The following MBNL2 variants were observed in gnomAD, a reference collection of about 807,000 sequenced individuals.
MBNL2 encodes the protein muscleblind-like protein 2.
In MBNL2, 17 loss-of-function variants were observed where a neutral mutation model predicts 41.9. The observed-to-expected ratio is 0.41, with a 90% CI of 0.28 to 0.61. The LOEUF is 0.61. Among genes scored for constraint, MBNL2 ranks in the 20% least tolerant of loss-of-function variants. MBNL2 has a pLI of 0.35. For missense variants in MBNL2, 336 were observed against 505.6 expected (o/e 0.66, Z 3.22); for synonymous variants, 195 against 182.9 (o/e 1.07, Z -0.53).
At position 97,222,549 on chromosome 13, in the gene MBNL2, C is replaced by G. The variant is rs929525755; in HGVS notation, c.-605+18C>G. The G allele has an allele frequency of 1.8e-5, 7 of 398,088 alleles. No individual in the cohort carries two copies. Among genetic ancestry groups the G allele is most frequent in the Non-Finnish European group, 3.1e-5 (7 of 225,882 alleles). 24.7% of individuals were successfully genotyped at this position (398,088 alleles called of 1,614,324 possible). ...TAAACAAGGTAGGAGAATCGCCCCCCTTTTTTGAATGTTTAAAGAGTTTGC... is the reference window on the plus strand; with the variant it reads ...TAAACAAGGTAGGAGAATCGCCCCCGTTTTTTGAATGTTTAAAGAGTTTGC... On this transcript the variant is annotated intron_variant, in intron 1 of 8. Coordinates refer to ENST00000679496, the MANE Select transcript of MBNL2 (RefSeq NM_001382683.1).
intron 2 of MBNL2, among the ~76,000 whole-genome samples, chr13:97,312,451 T>C (rs1367682281): frequency 1.3e-5 from 2 of 152,184 alleles, no homozygotes; most frequent in Non-Finnish European, 2.9e-5. Flanking sequence ...CATCCTCTTT[T>C]ACTGGAGGTA....
At chr13:97,224,521 A>G (rs2041296880) in intron 1 of MBNL2, among the ~76,000 whole-genome samples, 1 of 150,312 alleles carries the variant, frequency 6.7e-6, no homozygotes, top group Non-Finnish European at 1.5e-5. Context: ...CTACTCACGT[A>G]GTTTTGAGCA....
At chr13:97,237,975 G>C (rs2043597807) in intron 1 of MBNL2, among the ~76,000 whole-genome samples, 1 of 152,160 alleles carries the variant, frequency 6.6e-6, no homozygotes, top group Non-Finnish European at 1.5e-5. Flanking sequence ...GGATTGACTG[G>C]GGCCAAGGGA....
At chr13:97,179,208 T>C in the MBNL2 span, 14,529 of 152,228 alleles carry the variant, frequency 0.095, 763 homozygotes, top group South Asian at 0.17. Flanking sequence ...TCACTGCCTC[T>C]ACTTCTCACT....
intron 4 of MBNL2, 74 bp downstream of exon 4, chr13:97,343,290 A>C (rs953752426): frequency 3.7e-5 from 42 of 1,136,794 alleles, no homozygotes; most frequent in Non-Finnish European, 5.3e-5. Flanking sequence ...ATTGCTTGTA[A>C]GATATTAATT....
At chr13:97,264,763 G>A (rs1566375764) in intron 1 of MBNL2, among the ~76,000 whole-genome samples, 1 of 152,228 alleles carries the variant, frequency 6.6e-6, no homozygotes, top group African/African-American at 2.4e-5. Flanking sequence ...TGGAGAGAGA[G>A]AAAAAGACAA....
the MBNL2 span, among the ~76,000 whole-genome samples, chr13:97,154,112 G>GT: frequency 1.3e-5 from 2 of 152,130 alleles, no homozygotes; most frequent in Non-Finnish European, 2.9e-5. Context: ...TGTCTAACAT[G>GT]TCTAGAAGTT....
chr13:97,168,066 C>T, the MBNL2 span, among the ~76,000 whole-genome samples: 6 of 152,158 alleles, frequency 3.9e-5, no homozygotes, highest in South Asian at 2.1e-4. Context: ...CCCAGTTTCA[C>T]GTGATTCTCC....
At chr13:97,385,565 C>G (rs1283963940) in intron 8 of MBNL2, among the ~76,000 whole-genome samples, 1 of 152,172 alleles carries the variant, frequency 6.6e-6, no homozygotes, top group Non-Finnish European at 1.5e-5. Context: ...AGGAACAGTT[C>G]TTACCAAATT....
At chr13:97,318,773 G>A (rs1015906803) in intron 2 of MBNL2, among the ~76,000 whole-genome samples, 2 of 152,146 alleles carry the variant, frequency 1.3e-5, no homozygotes, top group African/African-American at 2.4e-5. Context: ...AGAGAAAGAG[G>A]AAGTAATGTC....
chr13:97,343,955 C>T (rs980244543), intron 4 of MBNL2, among the ~76,000 whole-genome samples: 2 of 152,176 alleles, frequency 1.3e-5, no homozygotes, highest in East Asian at 1.9e-4. Flanking sequence ...TATAGGCATG[C>T]GCCACCACGC....
At chr13:97,228,894 A>C (rs1276652358) in intron 1 of MBNL2, among the ~76,000 whole-genome samples, 1 of 151,884 alleles carries the variant, frequency 6.6e-6, no homozygotes, top group East Asian at 1.9e-4. Flanking sequence ...ACTCAAATTG[A>C]GTAAGGTTAA....
chr13:97,163,498 G>T, the MBNL2 span, among the ~76,000 whole-genome samples: 1 of 152,168 alleles, frequency 6.6e-6, no homozygotes, highest in African/African-American at 2.4e-5. Context: ...TCTATGGGGT[G>T]CCAGGCCAGG....
chr13:97,382,472 T>G (rs1594295505), intron 8 of MBNL2, among the ~76,000 whole-genome samples: 1 of 152,296 alleles, frequency 6.6e-6, no homozygotes, highest in East Asian at 1.9e-4. Flanking sequence ...GGAGGCGCCA[T>G]AATCCCTGGT....
intron 3 of MBNL2, among the ~76,000 whole-genome samples, chr13:97,342,810 GT>G (rs943614638): frequency 4.6e-5 from 7 of 152,118 alleles, no homozygotes; most frequent in African/African-American, 1.4e-4. Context: ...GTAACTAGAG[GT>G]TTTTTATGAT....
At chr13:97,233,040 G>A (rs1284781987) in intron 1 of MBNL2, among the ~76,000 whole-genome samples, 2 of 148,430 alleles carry the variant, frequency 1.3e-5, no homozygotes, top group Non-Finnish European at 3.0e-5. Context: ...TGCTCTCTAT[G>A]AGAATTCTTA....
chr13:97,190,477 G>A, the MBNL2 span, among the ~76,000 whole-genome samples: 2 of 152,074 alleles, frequency 1.3e-5, no homozygotes, highest in Non-Finnish European at 2.9e-5. Context: ...AATTATCTAT[G>A]CTAAGCCTTG....
At chr13:97,352,601 T>G (rs2062603362) in intron 5 of MBNL2, among the ~76,000 whole-genome samples, 1 of 152,132 alleles carries the variant, frequency 6.6e-6, no homozygotes, top group African/African-American at 2.4e-5. Context: ...AGAGATATAA[T>G]AACAATAAAT....
the MBNL2 span, among the ~76,000 whole-genome samples, chr13:97,178,244 G>A: frequency 6.6e-6 from 1 of 152,140 alleles, no homozygotes; most frequent in Non-Finnish European, 1.5e-5. Context: ...TGGTTTAAAT[G>A]GTAGCCATGA....
Sources: gnomAD v4.1 joint callset for allele counts (sites outside exome capture counted in the v4.1 genomes callset) on GRCh38, gnomAD v4.1.1 for gene constraint, MANE v1.5 for transcripts, NCBI Gene and HGNC (gene_info 2026-07-23, HGNC 2026-07-21) for gene names.